Variants in RIMS3 observed in about 807,000 individuals in gnomAD.
RIMS3 encodes the protein regulating synaptic membrane exocytosis 3.
In RIMS3, 15 loss-of-function variants were observed where a neutral mutation model predicts 29.2. The observed-to-expected ratio is 0.51, with a 90% CI of 0.34 to 0.79. The LOEUF (loss-of-function observed/expected upper bound fraction) is 0.79, where lower values mean the gene tolerates loss of function less well. RIMS3 is among the 30% of genes least tolerant of loss of function. The pLI, the probability that RIMS3 is intolerant of heterozygous loss-of-function variation, is 0.01. For synonymous variants in RIMS3, 161 were observed against 170.1 expected (o/e 0.95, Z 0.41); for missense variants, 342 against 421.4 (o/e 0.81, Z 1.65).
rs1646415688 is a variant in RIMS3, at chr1:40,620,704, T to C, written c.*5813A>G. 6.6e-6 allele frequency: 1 copy of C among 152,662 alleles called. No homozygotes were observed. Among genetic ancestry groups the C allele is most frequent in the South Asian group, 2.1e-4 (1 of 4,828 alleles). 9.5% of individuals were successfully genotyped at this position (152,662 alleles called of 1,614,324 possible). A position where few individuals can be genotyped will look rare whatever the true frequency, so the allele number is the denominator to read the frequency against. On this transcript the variant is annotated 3_prime_UTR_variant, in exon 8 of 8. Transcript: ENST00000372684. Reference sequence around the variant, plus strand: ...ACCATTTTCAAACTGACTTTAATCATGTTTTGCTGCCCAAATACTGTACAT... The same window carrying C: ...ACCATTTTCAAACTGACTTTAATCACGTTTTGCTGCCCAAATACTGTACAT...
the RIMS3 span, among the ~76,000 whole-genome samples, chr1:40,685,353 TTATATA>T: frequency 1.1e-4 from 5 of 46,578 alleles, no homozygotes; most frequent in South Asian, 7.4e-4. Flanking sequence ...TATATATATA[TTATATA>T]ATATAATATA....
the RIMS3 span, among the ~76,000 whole-genome samples, chr1:40,685,324 ATATATAATATAATTATATTATATATATAT>A: frequency 1.7e-4 from 3 of 18,020 alleles, no homozygotes; most frequent in Non-Finnish European, 3.7e-4. Context: ...ATAATTATTA[ATATATAATATAATTATATTATATATATAT>A]TATATAATAT....
chr1:40,650,696 T>TAA (rs1186374949), intron 1 of RIMS3, among the ~76,000 whole-genome samples: 1 of 141,938 alleles, frequency 7.0e-6, no homozygotes, highest in African/African-American at 2.6e-5. Flanking sequence ...ACCTCATCTC[T>TAA]AAAAAAAAAA....
intron 6 of RIMS3, 126 bp from the exon 7 acceptor site, chr1:40,629,075 G>T: frequency 7.9e-7 from 1 of 1,267,160 alleles, no homozygotes; most frequent in East Asian, 2.3e-5. Flanking sequence ...CCAGTGGACA[G>T]CAGGCAGAAG....
At chr1:40,629,150 G>T in intron 6 of RIMS3, 121 bp downstream of exon 6, 1 of 1,103,258 alleles carries the variant, frequency 9.1e-7, no homozygotes, top group Non-Finnish European at 1.4e-6. Context: ...GGCCTTCCAG[G>T]CAAGCTGTGA....
intron 3 of RIMS3, among the ~76,000 whole-genome samples, chr1:40,638,030 G>A (rs1301677310): frequency 2.0e-5 from 3 of 152,102 alleles, no homozygotes; most frequent in Admixed American, 6.5e-5. Context: ...TGACCCATTT[G>A]GGAGCAAATT....
At chr1:40,632,820 T>C (rs565746190) in intron 5 of RIMS3, among the ~76,000 whole-genome samples, 1 of 152,252 alleles carries the variant, frequency 6.6e-6, no homozygotes, top group East Asian at 1.9e-4. Flanking sequence ...TAAATTGAAA[T>C]ACCTCATGCA....
In RIMS3 at chr1:40,636,110, T is replaced by A; in HGVS notation, c.218-53A>T. On this transcript the variant is annotated intron_variant, in intron 3 of 7. Transcript: ENST00000372684. The surrounding 1 kb of genome is among the most constrained non-coding windows in gnomAD (Gnocchi z 4.2). ...AGAGGGAACAAGGTCAGATTATGAA[T>A]GGGGCTTCTCTAAGAGTCCTGCCAA... 1 of 1,594,778 alleles carries A rather than the reference T, an allele frequency of 6.3e-7. No homozygotes were observed. Among genetic ancestry groups the A allele is most frequent in the Non-Finnish European group, 8.5e-7 (1 of 1,175,332 alleles).
At chr1:40,673,935 A>C in the RIMS3 span, among the ~76,000 whole-genome samples, 1 of 149,094 alleles carries the variant, frequency 6.7e-6, no homozygotes, top group African/African-American at 2.5e-5. Flanking sequence ...AACATATGTA[A>C]AGTGATCAGC....
intron 1 of RIMS3, among the ~76,000 whole-genome samples, chr1:40,648,320 A>G (rs1484156758): frequency 6.6e-6 from 1 of 152,148 alleles, no homozygotes; most frequent in Non-Finnish European, 1.5e-5. Flanking sequence ...AACGAGTCTA[A>G]TCACCACCTG....
At chr1:40,658,312 C>T (rs889136623) in intron 1 of RIMS3, among the ~76,000 whole-genome samples, 2 of 152,192 alleles carry the variant, frequency 1.3e-5, no homozygotes, top group African/African-American at 4.8e-5. Flanking sequence ...TTCTTCAGAG[C>T]CTGTCCTGAG....
the RIMS3 span, among the ~76,000 whole-genome samples, chr1:40,687,835 A>G: frequency 6.6e-6 from 1 of 151,588 alleles, no homozygotes; most frequent in African/African-American, 2.4e-5. Context: ...AATTTTACTC[A>G]TTTTTCAAGA....
chr1:40,664,327 A>G (rs953519254), intron 1 of RIMS3, among the ~76,000 whole-genome samples: 1 of 151,798 alleles, frequency 6.6e-6, no homozygotes, highest in African/African-American at 2.4e-5. Context: ...CTGATTACAG[A>G]CTAATTGGTG....
intron 5 of RIMS3, among the ~76,000 whole-genome samples, chr1:40,631,785 A>G (rs1464009234): frequency 1.3e-5 from 2 of 152,076 alleles, no homozygotes; most frequent in African/African-American, 4.8e-5. Flanking sequence ...AGCCTGGCCA[A>G]TACAGTGAAA....
chr1:40,661,999 GA>G (rs1244026010), intron 1 of RIMS3, among the ~76,000 whole-genome samples: 2 of 152,146 alleles, frequency 1.3e-5, no homozygotes, highest in East Asian at 3.9e-4. Flanking sequence ...GGTTCCCTGG[GA>G]CCGAGGCTGC....
At chr1:40,629,122 C>T in intron 6 of RIMS3, 149 bp downstream of exon 6, 1 of 1,032,456 alleles carries the variant, frequency 9.7e-7, no homozygotes, top group Non-Finnish European at 1.5e-6. Context: ...TCCTCCCTTA[C>T]TCCCCCACCT....
chr1:40,688,265 C>T, the RIMS3 span, among the ~76,000 whole-genome samples: 1 of 152,008 alleles, frequency 6.6e-6, no homozygotes, highest in Non-Finnish European at 1.5e-5. Flanking sequence ...GCCTGGCCAG[C>T]GCTGCTTTTC....
chr1:40,679,758 C>T, the RIMS3 span, among the ~76,000 whole-genome samples: 111 of 152,208 alleles, frequency 7.3e-4, no homozygotes, highest in African/African-American at 2.3e-3. Flanking sequence ...GCTGGGAAGG[C>T]GGGCACATGG....
chr1:40,648,068 C>T (rs1434510902), intron 1 of RIMS3, among the ~76,000 whole-genome samples: 2 of 152,200 alleles, frequency 1.3e-5, no homozygotes, highest in Non-Finnish European at 2.9e-5. Flanking sequence ...TGAAGACCCA[C>T]AACTTTGAGA....
Sources: gnomAD v4.1 joint callset for allele counts (sites outside exome capture counted in the v4.1 genomes callset) on GRCh38, gnomAD v4.1.1 for gene constraint, Gnocchi (gnomAD v3.1) non-coding constraint, MANE v1.5 for transcripts, NCBI Gene and HGNC (gene_info 2026-07-23, HGNC 2026-07-21) for gene names.